The following MIPEP variants were observed in gnomAD, a reference collection of about 807,000 sequenced individuals.
MIPEP encodes the protein mitochondrial intermediate peptidase.
A neutral mutation model predicts 90.3 loss-of-function variants in MIPEP; 79 were observed. The observed-to-expected ratio is 0.87, with a 90% CI of 0.73 to 1.05. MIPEP has a LOEUF of 1.05. Among genes scored for constraint, MIPEP ranks in the 50% least tolerant of loss-of-function variants. The pLI is 0.00. For synonymous variants in MIPEP, 334 were observed against 315.8 expected, an observed-to-expected ratio of 1.06 and a Z score of -0.61; for missense variants, 940 against 905.6, an observed-to-expected ratio of 1.04 and a Z score of -0.49.
intron 14 of MIPEP, among the ~76,000 whole-genome samples, chr13:23,817,761 TG>T (rs1953257692): frequency 6.6e-6 from 1 of 152,170 alleles, no homozygotes; most frequent in Non-Finnish European, 1.5e-5. Flanking sequence ...TCAGGTATGC[TG>T]CCCCTTGATG....
intron 16 of MIPEP, among the ~76,000 whole-genome samples, chr13:23,781,597 CATA>C (rs1952782767): frequency 6.6e-6 from 1 of 152,066 alleles, no homozygotes; most frequent in East Asian, 1.9e-4. Flanking sequence ...CAAATTCACA[CATA>C]ATAATATTAA....
chr13:23,807,066 T>C (rs1382737269), intron 15 of MIPEP, among the ~76,000 whole-genome samples: 4 of 152,012 alleles, frequency 2.6e-5, no homozygotes, highest in African/African-American at 4.8e-5. Context: ...AGCTGCTGTA[T>C]AGGGAGGGCT....
intron 17 of MIPEP, 71 bp downstream of exon 17, chr13:23,760,025 A>G: frequency 6.3e-7 from 1 of 1,598,298 alleles, no homozygotes; most frequent in Non-Finnish European, 8.6e-7. Flanking sequence ...CTCGAGCCCG[A>G]CTTCCAGATG....
intron 16 of MIPEP, among the ~76,000 whole-genome samples, chr13:23,803,213 G>C (rs1172051): frequency 2.0e-5 from 3 of 151,818 alleles, no homozygotes; most frequent in African/African-American, 7.3e-5. Flanking sequence ...AAAAACAAAA[G>C]TTAGCCAGGA....
chr13:23,872,446 A>C (rs1870857989), intron 5 of MIPEP, among the ~76,000 whole-genome samples: 1 of 152,210 alleles, frequency 6.6e-6, no homozygotes, highest in Admixed American at 6.5e-5. Context: ...GGGAAACAAG[A>C]GTGAAACTCT....
chr13:23,755,039 G>A (rs1017135652), intron 18 of MIPEP, among the ~76,000 whole-genome samples: 3 of 152,150 alleles, frequency 2.0e-5, no homozygotes, highest in African/African-American at 4.8e-5. Flanking sequence ...TCTATAAAAC[G>A]GGGATCATAA....
At chr13:23,786,172 A>G (rs971333434) in intron 16 of MIPEP, among the ~76,000 whole-genome samples, 2 of 151,730 alleles carry the variant, frequency 1.3e-5, no homozygotes, top group African/African-American at 4.8e-5. Context: ...GGCTGCATTG[A>G]GCCATGACTA....
chr13:23,858,843 T>C lies in MIPEP; in HGVS notation c.1106+17A>G. On this transcript the variant is annotated intron_variant, in intron 10 of 18. Coordinates refer to ENST00000382172, the MANE Select transcript of MIPEP (RefSeq NM_005932.4). ...CCTTTTTCCTTTTCCTGTACGGGTA[T>C]TTCTTGAAAAACTTACCTTTCTGCA... 6.2e-7 allele frequency: 1 copy of C among 1,611,422 alleles called. No homozygotes were observed.
intron 3 of MIPEP, among the ~76,000 whole-genome samples, chr13:23,880,347 C>G: frequency 6.6e-6 from 1 of 152,188 alleles, no homozygotes; most frequent in Non-Finnish European, 1.5e-5. Context: ...CCAACCTGCT[C>G]ACCCACGGAG....
intron 16 of MIPEP, among the ~76,000 whole-genome samples, chr13:23,799,099 G>T (rs1474593718): frequency 6.8e-6 from 1 of 146,056 alleles, no homozygotes; most frequent in Non-Finnish European, 1.5e-5. Flanking sequence ...CACCTCCCAG[G>T]TTCAAACGAT....
At chr13:23,887,301 G>GA (rs1217603211) in intron 1 of MIPEP, among the ~76,000 whole-genome samples, 2 of 152,158 alleles carry the variant, frequency 1.3e-5, no homozygotes, top group African/African-American at 4.8e-5. Context: ...AAGGCAGGGG[G>GA]AAAAAGCATT....
chr13:23,793,399 G>C (rs1952920821), intron 16 of MIPEP, among the ~76,000 whole-genome samples: 1 of 152,018 alleles, frequency 6.6e-6, no homozygotes, highest in Non-Finnish European at 1.5e-5. Flanking sequence ...CTTTAAAGGG[G>C]GTCGCAAGAG....
intron 14 of MIPEP, among the ~76,000 whole-genome samples, chr13:23,815,471 T>C (rs7339121): frequency 0.99 from 150,372 of 152,288 alleles, 74,281 homozygotes; most frequent in East Asian, 1. Context: ...CATGCACCAC[T>C]GTGCCTAATT....
In MIPEP at chr13:23,825,588, T is replaced by G. The variant is rs556957214; in HGVS notation, c.1653+10652A>C. 1.8e-4 allele frequency among the ~76,000 whole-genome samples: 28 copies of G among 152,312 alleles called. No individual in the cohort carries two copies. The South Asian group carries it at 5.0e-3, about 27-fold the overall frequency. On this transcript the variant is annotated intron_variant, in intron 14 of 18. Coordinates refer to ENST00000382172, the MANE Select transcript of MIPEP (RefSeq NM_005932.4). ...TGTCAGAAGTTTAGGCGATACATATTGAGGAATTTTTAACGAGAAAATACC... is the reference window on the plus strand; with the variant it reads ...TGTCAGAAGTTTAGGCGATACATATGGAGGAATTTTTAACGAGAAAATACC...
At chr13:23,767,354 T>TA (rs1856358759) in intron 16 of MIPEP, among the ~76,000 whole-genome samples, 1 of 152,224 alleles carries the variant, frequency 6.6e-6, no homozygotes, top group Non-Finnish European at 1.5e-5. Flanking sequence ...AGACTTAGGT[T>TA]AAAAATACTA....
chr13:23,744,702 G>A (rs1046429779), intron 18 of MIPEP, among the ~76,000 whole-genome samples: 1 of 152,208 alleles, frequency 6.6e-6, no homozygotes, highest in African/African-American at 2.4e-5. Context: ...ACAAATGTAT[G>A]CTTGGTTTGA....
intron 16 of MIPEP, among the ~76,000 whole-genome samples, chr13:23,794,813 A>G (rs73158555): frequency 6.6e-6 from 1 of 152,352 alleles, no homozygotes; most frequent in Non-Finnish European, 1.5e-5. Context: ...GCTGTCCCAC[A>G]AACTGAAACC....
At chr13:23,866,965 C>T (rs1870568098) in intron 7 of MIPEP, among the ~76,000 whole-genome samples, 2 of 152,116 alleles carry the variant, frequency 1.3e-5, no homozygotes, top group African/African-American at 4.8e-5. Context: ...ATACTCTGTA[C>T]CCAGAATCTG....
intron 16 of MIPEP, among the ~76,000 whole-genome samples, chr13:23,762,889 A>T (rs1952563183): frequency 3.3e-5 from 5 of 152,230 alleles, no homozygotes. Context: ...CCCTTGGTAG[A>T]GCTGTGCCCT....
Sources: allele counts gnomAD v4.1 joint callset (sites outside exome capture counted in the v4.1 genomes callset), GRCh38; gene constraint gnomAD v4.1.1; transcripts MANE v1.5; gene names NCBI Gene and HGNC (gene_info 2026-07-23, HGNC 2026-07-21).